TTC29: variants seen among roughly 807,000 people sequenced by gnomAD.
The protein encoded by TTC29 is tetratricopeptide repeat domain 29.
TTC29 carries 49 observed loss-of-function variants against 58.1 expected under a neutral mutation model. The observed-to-expected ratio is 0.84, with a 90% CI of 0.67 to 1.07. The LOEUF (loss-of-function observed/expected upper bound fraction) is 1.07, where lower values mean the gene tolerates loss of function less well. TTC29 is among the 50% of genes least tolerant of loss of function. The pLI, the probability that TTC29 is intolerant of heterozygous loss-of-function variation, is 0.00. For missense variants in TTC29, 582 were observed against 555.6 expected (o/e 1.05, Z -0.48); for synonymous variants, 209 against 196.8 (o/e 1.06, Z -0.52).
chr4:146,769,104 C>A (rs1268885847), intron 11 of TTC29, among the ~76,000 whole-genome samples: 2 of 151,946 alleles, frequency 1.3e-5, no homozygotes, highest in African/African-American at 4.8e-5. Flanking sequence ...TGGTTGCTTT[C>A]AAGCATTTCT....
chr4:146,910,574 G>A (rs1469736200), intron 4 of TTC29, among the ~76,000 whole-genome samples: 1 of 151,994 alleles, frequency 6.6e-6, no homozygotes, highest in Non-Finnish European at 1.5e-5. Context: ...GAGATCTTAC[G>A]GTAAAAACAA....
At position 146,762,223 on chromosome 4, in the gene TTC29, C is replaced by T. The variant is rs145151028; in HGVS notation, c.1330+41234G>A. On this transcript the variant is annotated intron_variant, in intron 11 of 12. Transcript: ENST00000325106. ...ATACAGTGGATTCATTTCAGCCAAA[C>T]TTGTGTGTCAGGCTGGCCTGATTCC... is the stretch of plus-strand genomic sequence containing the variant. 2.8e-4 allele frequency among the ~76,000 whole-genome samples: 42 copies of T among 152,060 alleles called. No individual in the cohort carries two copies. The East Asian group carries it at 6.8e-3, about 25-fold the overall frequency.
intron 2 of TTC29, among the ~76,000 whole-genome samples, chr4:146,941,947 T>C (rs1736444221): frequency 6.6e-6 from 1 of 152,164 alleles, no homozygotes; most frequent in African/African-American, 2.4e-5. Context: ...CACCTGTGGA[T>C]AGCTAAGACA....
At chr4:146,876,732 C>T (rs1264499541) in intron 6 of TTC29, among the ~76,000 whole-genome samples, 1 of 151,938 alleles carries the variant, frequency 6.6e-6, no homozygotes, top group African/African-American at 2.4e-5. Context: ...GTCAGGAGTT[C>T]AAGACCAGCC....
intron 11 of TTC29, among the ~76,000 whole-genome samples, chr4:146,778,098 C>T (rs1748245432): frequency 6.6e-6 from 1 of 152,038 alleles, no homozygotes; most frequent in Admixed American, 6.6e-5. Flanking sequence ...GTTTGGGAGT[C>T]ATTAGTTATA....
rs1189742632 is a variant in TTC29 at position 146,707,524 on chromosome 4, G to A, written c.1358C>T (p.Ala453Val). The part of the protein sequence containing the change: ...TEEFRGSTVE[A>V]VSQNSERLEE... ...CAAACGTTCTGAGTTTTGAGATACA[G>A]CTTCCACTGTGGATCCTCTAAACTC... Residue 453 changes from alanine (A) to valine (V), a missense_variant, in exon 12 of 13, where the codon GCT becomes GTT. Transcript: ENST00000325106. The A allele has an allele frequency of 6.2e-7, 1 of 1,608,826 alleles. No individual in the cohort carries two copies. Among genetic ancestry groups the A allele is most frequent in the Admixed American group, 1.7e-5 (1 of 59,786 alleles).
chr4:146,818,260 A>T (rs1329078317), intron 10 of TTC29, among the ~76,000 whole-genome samples: 1 of 152,230 alleles, frequency 6.6e-6, no homozygotes, highest in Admixed American at 6.5e-5. Context: ...AACCCCATCA[A>T]AAAGTGGGCA....
chr4:146,903,753 G>A (rs1733325184), intron 5 of TTC29, 24 bp from the exon 6 acceptor site: 1 of 1,519,774 alleles, frequency 6.6e-7, no homozygotes. Flanking sequence ...AAAGCACCAT[G>A]AATGGCATTA....
At chr4:146,840,414 T>C (rs1157574210) in intron 8 of TTC29, among the ~76,000 whole-genome samples, 1 of 152,082 alleles carries the variant, frequency 6.6e-6, no homozygotes, top group African/African-American at 2.4e-5. Context: ...TATATTCCAT[T>C]AGATGTGGCT....
chr4:146,727,089 TATATA>T lies in TTC29; in HGVS notation c.1331-19543_1331-19539del, dbSNP rs551040396. ...TAAAATGATATATATTTATATAAAATATATAATATAAATTTGTGTTTTATATTTAT... is the reference window on the plus strand; with the variant it reads ...TAAAATGATATATATTTATATAAAATATATAAATTTGTGTTTTATATTTAT... On this transcript the variant is annotated intron_variant, in intron 11 of 12. Coordinates refer to ENST00000325106, the MANE Select transcript of TTC29 (RefSeq NM_031956.4). Among the ~76,000 whole-genome samples, 615 of 151,100 alleles carry T rather than the reference TATATA, an allele frequency of 4.1e-3. 4 individuals are homozygous for T. Among genetic ancestry groups the T allele is most frequent in the Non-Finnish European group, 6.9e-3 (469 of 67,772 alleles).
intron 8 of TTC29, among the ~76,000 whole-genome samples, chr4:146,857,910 A>G (rs1185316078): frequency 2.0e-5 from 3 of 152,244 alleles, no homozygotes; most frequent in Non-Finnish European, 4.4e-5. Context: ...CCATTATATA[A>G]AAATATGTGC....
chr4:146,899,070 GCATGCCCCC>G (rs1732964179), intron 6 of TTC29, among the ~76,000 whole-genome samples: 1 of 152,204 alleles, frequency 6.6e-6, no homozygotes, highest in African/African-American at 2.4e-5. Context: ...CTGCTAGTTT[GCATGCCCCC>G]CAAACCTCAC....
intron 11 of TTC29, among the ~76,000 whole-genome samples, chr4:146,802,287 C>T (rs917780752): frequency 1.3e-5 from 2 of 152,124 alleles, no homozygotes; most frequent in Non-Finnish European, 2.9e-5. Flanking sequence ...AAACTACAGA[C>T]CTCTCAAATA....
intron 11 of TTC29, among the ~76,000 whole-genome samples, chr4:146,750,992 C>G (rs994300381): frequency 2.0e-5 from 3 of 152,150 alleles, no homozygotes; most frequent in African/African-American, 7.2e-5. Flanking sequence ...AGCTTAAAGA[C>G]ACATGTAGGC....
intron 4 of TTC29, among the ~76,000 whole-genome samples, chr4:146,927,493 C>G (rs1224514443): frequency 1.3e-5 from 2 of 152,086 alleles, no homozygotes; most frequent in African/African-American, 2.4e-5. Flanking sequence ...AAATCCTGGC[C>G]ATGACCCCCA....
intron 11 of TTC29, among the ~76,000 whole-genome samples, chr4:146,722,936 G>A (rs767849948): frequency 4.6e-5 from 7 of 152,052 alleles, no homozygotes; most frequent in East Asian, 1.9e-4. Context: ...GAGCTCAAGC[G>A]ATCCACCCGC....
chr4:146,713,020 A>G (rs1272471874), intron 11 of TTC29, among the ~76,000 whole-genome samples: 1 of 151,924 alleles, frequency 6.6e-6, no homozygotes. Flanking sequence ...GGCTAAATAC[A>G]TACGATGAAG....
chr4:146,788,556 A>G (rs1749206130), intron 11 of TTC29, among the ~76,000 whole-genome samples: 1 of 152,032 alleles, frequency 6.6e-6, no homozygotes. Context: ...CAACTAAAGA[A>G]AAACTTCCCA....
intron 11 of TTC29, among the ~76,000 whole-genome samples, chr4:146,745,758 G>T (rs545852235): frequency 1.3e-5 from 2 of 152,270 alleles, no homozygotes; most frequent in Admixed American, 1.3e-4. Context: ...ATAGTCAATT[G>T]TCAATAGTGT....
Sources: gnomAD v4.1 joint callset for allele counts (sites outside exome capture counted in the v4.1 genomes callset) on GRCh38, gnomAD v4.1.1 for gene constraint, MANE v1.5 for transcripts, NCBI Gene and HGNC (gene_info 2026-07-23, HGNC 2026-07-21) for gene names.